ZNF519: variants seen among roughly 807,000 people sequenced by gnomAD.
ZNF519 encodes zinc finger protein 519, also known as similar to Zinc finger protein 85 (Zinc finger protein HPF4) (HTF1).
In ZNF519, 7 loss-of-function variants were observed where a neutral mutation model predicts 7.4. That is an observed-to-expected ratio of 0.94 (90% confidence interval 0.54 to 1.77). The LOEUF (loss-of-function observed/expected upper bound fraction) is 1.77. Ranked by LOEUF, ZNF519 falls within the 40% of genes most tolerant of loss-of-function variation. The pLI is 0.00. For synonymous variants in ZNF519, 179 were observed against 203.3 expected, an observed-to-expected ratio of 0.88 and a Z score of 1.02; for missense variants, 586 against 623.1, an observed-to-expected ratio of 0.94 and a Z score of 0.63.
At chr18:14,093,035 A>G (rs1320630328) in intron 2 of ZNF519, among the ~76,000 whole-genome samples, 2 of 152,220 alleles carry the variant, frequency 1.3e-5, no homozygotes, top group Admixed American at 6.5e-5. Context: ...GAGCTACACA[A>G]TGGTGAATCC....
At chr18:14,092,985 G>C (rs1166266000) in intron 2 of ZNF519, among the ~76,000 whole-genome samples, 1 of 152,200 alleles carries the variant, frequency 6.6e-6, no homozygotes, top group Admixed American at 6.5e-5. Flanking sequence ...GGAAACACCT[G>C]ACAATAAGCC....
Position 14,103,728 on chromosome 18 carries a change from A to G in ZNF519, c.*1189T>C, listed in dbSNP as rs938111018. ...TTTGGAGTTTAATACCACTAAGGGT[A>G]AAAAAATGCTAAAGACAGCATGAAC... On this transcript the variant is annotated 3_prime_UTR_variant, in exon 3 of 3. Coordinates refer to ENST00000590202, the MANE Select transcript of ZNF519 (RefSeq NM_145287.4). 1.3e-5 allele frequency: 2 copies of G among 152,064 alleles called. No homozygotes were observed. The highest frequency in any genetic ancestry group is 1.9e-4 in the East Asian group (1 of 5,202). 9.4% of individuals were successfully genotyped at this position (152,064 alleles called of 1,614,324 possible). A position where few individuals can be genotyped will look rare whatever the true frequency, so the allele number is the denominator to read the frequency against.
rs1282836460 is a variant in ZNF519 at position 14,078,214 on chromosome 18, C to A, written c.*262G>T. On this transcript the variant is annotated 3_prime_UTR_variant and NMD_transcript_variant, in exon 4 of 5. Transcript: ENST00000587419. The stretch of plus-strand genomic sequence containing the variant: ...CAACCACTCACCTCCTGCTGTGCGG[C>A]CAGTTTCCTAACAGGCCATGGACAG... 2.0e-5 allele frequency: 3 copies of A among 152,200 alleles called. No homozygotes were observed. The East Asian group carries it at 5.8e-4, about 29-fold the overall frequency. The allele number at this position is 152,200 out of a possible 1,614,324, so 9.4% of individuals were successfully genotyped here.
chr18:14,124,334 T>C lies in ZNF519; in HGVS notation c.130+16A>G, dbSNP rs2046285541. The C allele has an allele frequency of 2.5e-6, 4 of 1,590,578 alleles. No individual in the cohort carries two copies. In the South Asian group the frequency reaches 3.5e-5, roughly 14 times the overall value. The stretch of plus-strand genomic sequence containing the variant: ...CTGAGGGAGAATTAGGAATTATGTA[T>C]TGAAGTTATTCTCACCCAGGGAGAC... On this transcript the variant is annotated intron_variant, in intron 2 of 2. Transcript: ENST00000590202.
intron 2 of ZNF519, among the ~76,000 whole-genome samples, chr18:14,115,527 T>C (rs1290780262): frequency 6.6e-6 from 1 of 152,206 alleles, no homozygotes; most frequent in African/African-American, 2.4e-5. Flanking sequence ...AAATAGTTTA[T>C]AACCGGATTA....
In ZNF519 at chr18:14,103,495, T is replaced by C. The variant is rs1182933349; in HGVS notation, c.*1422A>G. 6.6e-6 allele frequency: 1 copy of C among 152,036 alleles called. No individual in the cohort carries two copies. Among genetic ancestry groups the C allele is most frequent in the African/African-American group, 2.4e-5 (1 of 41,412 alleles). The allele number at this position is 152,036 out of a possible 1,614,324, so 9.4% of individuals were successfully genotyped here. On this transcript the variant is annotated 3_prime_UTR_variant, in exon 3 of 3. Transcript: ENST00000590202. ...GAAAATATTTTCAGATAAATGAAAA[T>C]GAAGTTATGACATATCGAAACATGA...
chr18:14,106,523 G>T, intron 2 of ZNF519, 114 bp from the exon 3 acceptor site: 1 of 843,618 alleles, frequency 1.2e-6, no homozygotes, highest in Non-Finnish European at 1.7e-6. Flanking sequence ...TGCCATAGTA[G>T]AAAACCAAGA....
chr18:14,127,117 T>C (rs929507120), intron 1 of ZNF519, among the ~76,000 whole-genome samples: 1 of 152,174 alleles, frequency 6.6e-6, no homozygotes, highest in African/African-American at 2.4e-5. Context: ...GAGGCACAGT[T>C]GTGATTATGG....
At chr18:14,125,014 T>TA (rs1162503227) in intron 1 of ZNF519, among the ~76,000 whole-genome samples, 1 of 152,190 alleles carries the variant, frequency 6.6e-6, no homozygotes, top group Non-Finnish European at 1.5e-5. Context: ...GCCTCACTGT[T>TA]ACAAAATTTT....
rs749619641 is a variant in ZNF519, at chr18:14,132,262, C to T, written c.3+13G>A. 5.0e-6 allele frequency: 8 copies of T among 1,613,690 alleles called. No homozygotes were observed. Among genetic ancestry groups the T allele is most frequent in the Non-Finnish European group, 6.8e-6 (8 of 1,179,816 alleles). On this transcript the variant is annotated intron_variant, in intron 1 of 2. Transcript: ENST00000590202. ...CCTCCCCAGTCTCGGTACGCCCTGC[C>T]CCCCACACTCACCATTTCTCGGCTT...
At chr18:14,072,105 T>A (rs1359974242), downstream of ZNF519, 1 of 152,208 alleles carries the variant, frequency 6.6e-6, no homozygotes, top group African/African-American at 2.4e-5. Context: ...CATTTCCTAA[T>A]GCAGACTAAA....
intron 3 of ZNF519, chr18:14,080,264 A>G (rs555342736): frequency 1.8e-4 from 27 of 150,022 alleles, no homozygotes; most frequent in African/African-American, 6.6e-4. Context: ...TCTCTCATTC[A>G]TGCTGGTGGG....
At chr18:14,106,501 A>C in intron 2 of ZNF519, 92 bp from the exon 3 acceptor site, 2 of 1,105,228 alleles carry the variant, frequency 1.8e-6, no homozygotes, top group South Asian at 2.0e-5. Context: ...CAAGCTGAGA[A>C]CATCAGCACA....
intron 2 of ZNF519, among the ~76,000 whole-genome samples, chr18:14,086,799 C>T (rs1408064666): frequency 6.6e-6 from 1 of 152,160 alleles, no homozygotes; most frequent in African/African-American, 2.4e-5. Flanking sequence ...AAAAAAGCAG[C>T]AGTGACCACA....
chr18:14,094,872 G>C (rs1056542601), intron 2 of ZNF519, among the ~76,000 whole-genome samples: 2 of 151,850 alleles, frequency 1.3e-5, no homozygotes, highest in Non-Finnish European at 2.9e-5. Flanking sequence ...TTGTTTCCTG[G>C]CTCCAGTATT....
At chr18:14,098,611 C>A (rs570649959), downstream of ZNF519, among the ~76,000 whole-genome samples, 2 of 152,286 alleles carry the variant, frequency 1.3e-5, no homozygotes, top group Admixed American at 1.3e-4. Context: ...AGCATCCACA[C>A]CACATGAATG....
chr18:14,129,228 G>C (rs1449041077), intron 1 of ZNF519, among the ~76,000 whole-genome samples: 1 of 152,196 alleles, frequency 6.6e-6, no homozygotes, highest in East Asian at 1.9e-4. Flanking sequence ...TAGAGATTCA[G>C]TGTCTACAGT....
At chr18:14,127,927 G>A (rs1193742778) in intron 1 of ZNF519, among the ~76,000 whole-genome samples, 3 of 151,588 alleles carry the variant, frequency 2.0e-5, no homozygotes, top group Non-Finnish European at 4.4e-5. Flanking sequence ...GGCACCTTGT[G>A]TATAACATCT....
At chr18:14,110,691 G>A (rs1376334196) in intron 2 of ZNF519, among the ~76,000 whole-genome samples, 2 of 152,146 alleles carry the variant, frequency 1.3e-5, no homozygotes, top group African/African-American at 4.8e-5. Context: ...AACAACAGAT[G>A]TTGGCATGGT....
Sources: allele counts gnomAD v4.1 joint callset (sites outside exome capture counted in the v4.1 genomes callset), GRCh38; gene constraint gnomAD v4.1.1; transcripts MANE v1.5; gene names NCBI Gene and HGNC (gene_info 2026-07-23, HGNC 2026-07-21).